The following POFUT3 variants were observed in gnomAD, a reference collection of about 807,000 sequenced individuals.
POFUT3 encodes the protein protein O-fucosyltransferase 3, also known as GDP-fucose protein O-fucosyltransferase 3.
At chr8:33,464,058 AAGT>A in the POFUT3 span, among the ~76,000 whole-genome samples, 1 of 152,158 alleles carries the variant, frequency 6.6e-6, no homozygotes, top group African/African-American at 2.4e-5. Context: ...CACTTTCCAA[AAGT>A]AGATCCTCAT....
chr8:33,316,034 C>G, the POFUT3 span, among the ~76,000 whole-genome samples: 1 of 152,062 alleles, frequency 6.6e-6, no homozygotes, highest in Admixed American at 6.6e-5. Flanking sequence ...GTCAAGAACA[C>G]CTGGATCTAC....
At chr8:33,397,727 G>A in the POFUT3 span, among the ~76,000 whole-genome samples, 1 of 152,098 alleles carries the variant, frequency 6.6e-6, no homozygotes, top group Non-Finnish European at 1.5e-5. Context: ...TCACACTCTG[G>A]TTAGTTGGTT....
chr8:33,320,440 G>C, the POFUT3 span, among the ~76,000 whole-genome samples: 1 of 151,902 alleles, frequency 6.6e-6, no homozygotes, highest in African/African-American at 2.4e-5. Context: ...GGCATGTTAG[G>C]ATTTATAATG....
At chr8:33,335,376 C>A in the POFUT3 span, among the ~76,000 whole-genome samples, 1 of 152,022 alleles carries the variant, frequency 6.6e-6, no homozygotes, top group African/African-American at 2.4e-5. Context: ...GAATAAGTAC[C>A]TAATTAGCAT....
the POFUT3 span, among the ~76,000 whole-genome samples, chr8:33,470,044 C>T: frequency 0.54 from 81,451 of 150,940 alleles, 22,308 homozygotes; most frequent in Non-Finnish European, 0.59. Flanking sequence ...CCACCTGCCT[C>T]GGCCTCCCAA....
At chr8:33,361,869 T>G in the POFUT3 span, among the ~76,000 whole-genome samples, 1 of 152,170 alleles carries the variant, frequency 6.6e-6, no homozygotes, top group Non-Finnish European at 1.5e-5. Context: ...CATTGATCGA[T>G]AGCTGTGGTT....
At chr8:33,457,220 G>T in the POFUT3 span, among the ~76,000 whole-genome samples, 629 of 152,228 alleles carry the variant, frequency 4.1e-3, 4 homozygotes, top group Non-Finnish European at 6.8e-3. Flanking sequence ...GGCCCAGGTG[G>T]GTGGATCACC....
chr8:33,327,730 C>A, the POFUT3 span, among the ~76,000 whole-genome samples: 28 of 152,194 alleles, frequency 1.8e-4, no homozygotes, highest in Non-Finnish European at 3.5e-4. Flanking sequence ...AAACACTGCA[C>A]AAATTCTAAA....
chr8:33,427,250 T>A, the POFUT3 span, among the ~76,000 whole-genome samples: 2 of 152,096 alleles, frequency 1.3e-5, no homozygotes, highest in Admixed American at 1.3e-4. Flanking sequence ...AAGAACAGCC[T>A]GGACAACATA....
chr8:33,372,651 C>T, the POFUT3 span: 1 of 1,614,016 alleles, frequency 6.2e-7, no homozygotes, highest in Non-Finnish European at 8.5e-7. Flanking sequence ...CACCTTAGTG[C>T]CTGGGCTTCT....
the POFUT3 span, among the ~76,000 whole-genome samples, chr8:33,311,650 C>G: frequency 1.6e-4 from 24 of 152,138 alleles, no homozygotes; most frequent in African/African-American, 5.3e-4. Context: ...GAAAGGTGCA[C>G]TCTACTGTAA....
chr8:33,311,388 G>A, the POFUT3 span, among the ~76,000 whole-genome samples: 1 of 152,128 alleles, frequency 6.6e-6, no homozygotes, highest in African/African-American at 2.4e-5. Flanking sequence ...TTGAATCAAT[G>A]AAAGAATAAA....
the POFUT3 span, among the ~76,000 whole-genome samples, chr8:33,388,692 T>G: frequency 6.6e-6 from 1 of 152,140 alleles, no homozygotes; most frequent in Non-Finnish European, 1.5e-5. Context: ...GTTTTCTGTG[T>G]CACTGCCCAG....
the POFUT3 span, among the ~76,000 whole-genome samples, chr8:33,438,663 A>G: frequency 6.6e-6 from 1 of 152,296 alleles, no homozygotes; most frequent in African/African-American, 2.4e-5. Context: ...AAAGAAAAAG[A>G]GGTTTAATAG....
the POFUT3 span, among the ~76,000 whole-genome samples, chr8:33,345,666 G>T: frequency 1.3e-5 from 2 of 151,834 alleles, no homozygotes; most frequent in Non-Finnish European, 2.9e-5. Flanking sequence ...CTCCCAAACT[G>T]CTGGGATTAT....
the POFUT3 span, among the ~76,000 whole-genome samples, chr8:33,439,320 T>C: frequency 1.3e-5 from 2 of 152,110 alleles, no homozygotes; most frequent in East Asian, 3.9e-4. Flanking sequence ...GGAGAATCGC[T>C]TGAATCTGGG....
chr8:33,370,476 C>G, the POFUT3 span, among the ~76,000 whole-genome samples: 2 of 152,166 alleles, frequency 1.3e-5, no homozygotes, highest in African/African-American at 4.8e-5. Context: ...CTGTGAGGGA[C>G]GTTGCTTTCT....
At chr8:33,318,653 A>AT in the POFUT3 span, among the ~76,000 whole-genome samples, 1 of 80,062 alleles carries the variant, frequency 1.2e-5, no homozygotes, top group Non-Finnish European at 2.2e-5. Context: ...TTGTATATAT[A>AT]TTTATATAAT....
At chr8:33,376,299 G>C in the POFUT3 span, among the ~76,000 whole-genome samples, 1 of 152,016 alleles carries the variant, frequency 6.6e-6, no homozygotes, top group African/African-American at 2.4e-5. Flanking sequence ...TCCAAATTTA[G>C]AAAGCATAGC....
Sources: gnomAD v4.1 joint callset for allele counts (sites outside exome capture counted in the v4.1 genomes callset) on GRCh38, gnomAD v4.1.1 for gene constraint, MANE v1.5 for transcripts, NCBI Gene and HGNC (gene_info 2026-07-23, HGNC 2026-07-21) for gene names.